The following GALNT18 variants were observed in gnomAD, a reference collection of about 807,000 sequenced individuals.
GALNT18 encodes the protein polypeptide N-acetylgalactosaminyltransferase 18, also known as GalNAc-transferase 18.
A neutral mutation model predicts 69.5 loss-of-function variants in GALNT18; 44 were observed. That is an observed-to-expected ratio of 0.63 (90% CI 0.50 to 0.81). The LOEUF (loss-of-function observed/expected upper bound fraction) is 0.81. Among genes scored for constraint, GALNT18 ranks in the 40% least tolerant of loss-of-function variants. The pLI is 0.00. For synonymous variants in GALNT18, 364 were observed against 318.2 expected (o/e 1.14, Z -1.53); for missense variants, 715 against 810.0 (o/e 0.88, Z 1.42).
Position 11,293,195 on chromosome 11 carries a change from TG to T in GALNT18, c.1513-3del. ...CTGACTGCTCGTGTAGTACACGTTC[TG>T]GGGGCGGAGGGAGGGAGAGAGTGTG... On this transcript the variant is annotated splice_polypyrimidine_tract_variant and splice_region_variant and intron_variant, in intron 9 of 10. Coordinates refer to ENST00000227756, the MANE Select transcript of GALNT18 (RefSeq NM_198516.3). 2 of 1,321,634 alleles carry T rather than the reference TG, an allele frequency of 1.5e-6. No individual in the cohort carries two copies. Among genetic ancestry groups the T allele is most frequent in the Non-Finnish European group, 1.9e-6 (2 of 1,025,964 alleles). The allele number at this position is 1,321,634 out of a possible 1,614,324, so 81.9% of individuals were successfully genotyped here.
At chr11:11,307,106 C>T (rs113864959) in intron 9 of GALNT18, among the ~76,000 whole-genome samples, 1 of 152,100 alleles carries the variant, frequency 6.6e-6, no homozygotes, top group African/African-American at 2.4e-5. Context: ...ATGCCTGAGT[C>T]AGCCCAGCTG....
At position 11,359,686 on chromosome 11, in the gene GALNT18, A is replaced by C. The variant is rs79696347; in HGVS notation, c.1092+12829T>G. The stretch of plus-strand genomic sequence containing the variant: ...CCTGAGAGATGTGGCTGAATCACTG[A>C]GCACTGAAATGGTACGGTGGTCATT... On this transcript the variant is annotated intron_variant, in intron 6 of 10. Coordinates refer to ENST00000227756, the MANE Select transcript of GALNT18 (RefSeq NM_198516.3). 3.4e-3 allele frequency among the ~76,000 whole-genome samples: 525 copies of C among 152,318 alleles called. 1 individual carries two copies. Among genetic ancestry groups the C allele is most frequent in the African/African-American group, 0.012 (501 of 41,578 alleles).
chr11:11,304,049 G>C (rs958102268), intron 9 of GALNT18, among the ~76,000 whole-genome samples: 4 of 152,166 alleles, frequency 2.6e-5, no homozygotes, highest in Admixed American at 2.6e-4. Flanking sequence ...GAATGGAGCT[G>C]TTACAAAGAG....
intron 1 of GALNT18, among the ~76,000 whole-genome samples, chr11:11,492,586 T>G (rs1173441799): frequency 6.6e-6 from 1 of 152,194 alleles, no homozygotes; most frequent in African/African-American, 2.4e-5. Flanking sequence ...AATGAGTTCA[T>G]GTCCTTTGCA....
Position 11,591,445 on chromosome 11 carries a change from C to T in GALNT18, c.235+29914G>A, listed in dbSNP as rs938991419. On this transcript the variant is annotated intron_variant, in intron 1 of 10. Coordinates refer to ENST00000227756, the MANE Select transcript of GALNT18 (RefSeq NM_198516.3). This position sits in a 1 kb window ranked among gnomAD's most constrained non-coding sequence, Gnocchi z 4.8. Reference sequence around the variant, plus strand: ...TGAGCCTCACTGCGTTCCTTCTCATCCATGTTTCTCAGGCTCCTCATTTGT... The same window carrying T: ...TGAGCCTCACTGCGTTCCTTCTCATTCATGTTTCTCAGGCTCCTCATTTGT... 6.6e-6 allele frequency among the ~76,000 whole-genome samples: 1 copy of T among 152,168 alleles called. No individual in the cohort carries two copies. The highest frequency in any genetic ancestry group is 6.5e-5 in the Admixed American group (1 of 15,280).
At chr11:11,521,639 G>A (rs1857401332) in intron 1 of GALNT18, among the ~76,000 whole-genome samples, 1 of 152,136 alleles carries the variant, frequency 6.6e-6, no homozygotes, top group Non-Finnish European at 1.5e-5. Flanking sequence ...ATCAGAAAAT[G>A]GCAGAGAAGA....
intron 6 of GALNT18, among the ~76,000 whole-genome samples, chr11:11,343,021 C>T (rs1384101619): frequency 6.6e-6 from 1 of 152,172 alleles, no homozygotes; most frequent in East Asian, 1.9e-4. Flanking sequence ...AGTTATTATG[C>T]CCAATTCCAA....
chr11:11,482,276 G>A (rs1040387812), intron 1 of GALNT18, among the ~76,000 whole-genome samples: 3 of 152,226 alleles, frequency 2.0e-5, no homozygotes, highest in African/African-American at 7.2e-5. Flanking sequence ...TGCCAGCCCC[G>A]TGCAGTGGGC....
chr11:11,372,486 G>A lies in GALNT18; in HGVS notation c.1092+29C>T, dbSNP rs765104027. 8.9e-6 allele frequency: 14 copies of A among 1,568,026 alleles called. No homozygotes were observed. The highest frequency in any genetic ancestry group is 5.0e-5 in the Admixed American group (3 of 59,958). On this transcript the variant is annotated intron_variant, in intron 6 of 10. Transcript: ENST00000227756. The surrounding 1 kb of genome is among the most constrained non-coding windows in gnomAD (Gnocchi z 4.9). ...CATTCACCCTGGTGGGAGCTGAGCCGAGCAGTTTGAGTGAGAAACCCCACT... is the reference window on the plus strand; with the variant it reads ...CATTCACCCTGGTGGGAGCTGAGCCAAGCAGTTTGAGTGAGAAACCCCACT...
At chr11:11,378,791 C>T (rs1239912404) in intron 4 of GALNT18, among the ~76,000 whole-genome samples, 3 of 152,150 alleles carry the variant, frequency 2.0e-5, no homozygotes, top group Non-Finnish European at 2.9e-5. Context: ...TTGGCATGTA[C>T]CCTTCTCCCT....
chr11:11,280,467 G>A (rs1445823816), intron 10 of GALNT18, among the ~76,000 whole-genome samples: 1 of 151,716 alleles, frequency 6.6e-6, no homozygotes, highest in East Asian at 1.9e-4. Context: ...GCCCACCCTT[G>A]GAGCATGCTC....
At chr11:11,578,200 G>C (rs1006030251) in intron 1 of GALNT18, among the ~76,000 whole-genome samples, 2 of 151,212 alleles carry the variant, frequency 1.3e-5, no homozygotes, top group Non-Finnish European at 1.5e-5. Context: ...TAAGGGCAGG[G>C]AGGAGGTGAG....
intron 2 of GALNT18, among the ~76,000 whole-genome samples, chr11:11,433,986 G>T (rs1482642194): frequency 1.3e-5 from 2 of 152,068 alleles, no homozygotes; most frequent in African/African-American, 4.8e-5. Flanking sequence ...GAGCATAATT[G>T]CACAGGGCTT....
rs1367638580 is a variant in GALNT18, at chr11:11,358,401, C to T, written c.1092+14114G>A. ...AAACTATCTCAAATTCTTCTCTAGC[C>T]AATGGCACCCTGAAACCTTCCATCA... is the stretch of plus-strand genomic sequence containing the variant. On this transcript the variant is annotated intron_variant, in intron 6 of 10. Coordinates refer to ENST00000227756, the MANE Select transcript of GALNT18 (RefSeq NM_198516.3). Among the ~76,000 whole-genome samples the T allele has an allele frequency of 1.4e-5, 2 of 140,280 alleles. 1 individual carries two copies. Among genetic ancestry groups the T allele is most frequent in the Non-Finnish European group, 3.2e-5 (2 of 62,798 alleles). The allele number at this position is 140,280 out of a possible 152,430, so 92.0% of individuals were successfully genotyped here.
chr11:11,412,333 C>A (rs187253440), intron 3 of GALNT18, among the ~76,000 whole-genome samples: 9 of 152,310 alleles, frequency 5.9e-5, no homozygotes, highest in Non-Finnish European at 1.2e-4. Flanking sequence ...AGAGATGGAA[C>A]CTTACCCTTG....
At position 11,372,881 on chromosome 11, in the gene GALNT18, T is replaced by A. The variant is rs1033980867; in HGVS notation, c.978-252A>T. Among the ~76,000 whole-genome samples the A allele has an allele frequency of 2.0e-5, 3 of 152,140 alleles. No homozygotes were observed. Among genetic ancestry groups the A allele is most frequent in the African/African-American group, 7.2e-5 (3 of 41,434 alleles). The stretch of plus-strand genomic sequence containing the variant: ...ATTAGTGGGGTGGTGCTTGTGTGTG[T>A]GTTAGCTTTGAGAATTGGTGCTCAG... On this transcript the variant is annotated intron_variant, in intron 5 of 10. Coordinates refer to ENST00000227756, the MANE Select transcript of GALNT18 (RefSeq NM_198516.3). This position sits in a 1 kb window ranked among gnomAD's most constrained non-coding sequence, Gnocchi z 4.9.
chr11:11,330,778 A>G (rs928888917), intron 8 of GALNT18, among the ~76,000 whole-genome samples: 1 of 152,192 alleles, frequency 6.6e-6, no homozygotes, highest in Non-Finnish European at 1.5e-5. Flanking sequence ...GTATAAGATG[A>G]GATGCTTTTG....
At chr11:11,303,135 G>C (rs578107450) in intron 9 of GALNT18, among the ~76,000 whole-genome samples, 58 of 152,302 alleles carry the variant, frequency 3.8e-4, no homozygotes, top group Non-Finnish European at 7.6e-4. Flanking sequence ...GGCCCCTGCT[G>C]CCCTCTGCCT....
intron 9 of GALNT18, among the ~76,000 whole-genome samples, chr11:11,296,097 T>TA (rs1849396438): frequency 6.6e-6 from 1 of 152,164 alleles, no homozygotes; most frequent in Non-Finnish European, 1.5e-5. Flanking sequence ...CCCATACCTC[T>TA]ATTCAACTAA....
Sources: allele counts gnomAD v4.1 joint callset (sites outside exome capture counted in the v4.1 genomes callset), GRCh38; gene constraint gnomAD v4.1.1; non-coding constraint Gnocchi (gnomAD v3.1); transcripts MANE v1.5; gene names NCBI Gene and HGNC (gene_info 2026-07-23, HGNC 2026-07-21).